Variants in LRRC4C observed in about 807,000 individuals in gnomAD.
LRRC4C encodes the protein leucine rich repeat containing 4C.
LRRC4C carries 5 observed loss-of-function variants against 33.6 expected under a neutral mutation model. The observed-to-expected ratio is 0.15, with a 90% CI of 0.08 to 0.31. The LOEUF (loss-of-function observed/expected upper bound fraction) is 0.31, where lower values mean the gene tolerates loss of function less well. LRRC4C is among the 10% of genes least tolerant of loss of function. LRRC4C has a pLI of 1.00. For synonymous variants in LRRC4C, 329 were observed against 302.0 expected (o/e 1.09, Z -0.93); for missense variants, 560 against 796.7 (o/e 0.70, Z 3.58).
chr11:41,351,666 CAA>C (rs1951988872), intron 1 of LRRC4C, among the ~76,000 whole-genome samples: 1 of 152,074 alleles, frequency 6.6e-6, no homozygotes, highest in Non-Finnish European at 1.5e-5. Flanking sequence ...CTTTAAAAGC[CAA>C]AAGAGATTGG....
intron 1 of LRRC4C, among the ~76,000 whole-genome samples, chr11:41,327,162 A>G (rs1951147795): frequency 6.6e-6 from 1 of 152,202 alleles, no homozygotes; most frequent in Non-Finnish European, 1.5e-5. Context: ...TCTAGGGAGA[A>G]GGCAGCCCAC....
chr11:40,595,084 A>G (rs1194749968), intron 3 of LRRC4C, among the ~76,000 whole-genome samples: 1 of 152,062 alleles, frequency 6.6e-6, no homozygotes, highest in South Asian at 2.1e-4. Context: ...TGAGCCTTAC[A>G]CAATTTGATT....
At chr11:40,774,933 A>T (rs1278748767) in intron 2 of LRRC4C, among the ~76,000 whole-genome samples, 1 of 152,146 alleles carries the variant, frequency 6.6e-6, no homozygotes, top group East Asian at 1.9e-4. Flanking sequence ...ATCTGCTGGC[A>T]TATTAATCTC....
chr11:40,366,364 G>A (rs1339124690), intron 3 of LRRC4C, among the ~76,000 whole-genome samples: 1 of 151,998 alleles, frequency 6.6e-6, no homozygotes, highest in African/African-American at 2.4e-5. Flanking sequence ...TTAAGTTTCT[G>A]GAGAGACATA....
At chr11:40,223,959 G>A (rs1454772991) in intron 5 of LRRC4C, among the ~76,000 whole-genome samples, 1 of 152,116 alleles carries the variant, frequency 6.6e-6, no homozygotes, top group African/African-American at 2.4e-5. Flanking sequence ...TTCATTTTAA[G>A]TGTTTTCTTT....
intron 5 of LRRC4C, among the ~76,000 whole-genome samples, chr11:40,196,691 A>G (rs966157493): frequency 6.6e-6 from 1 of 152,194 alleles, no homozygotes; most frequent in Non-Finnish European, 1.5e-5. Flanking sequence ...AAAAGTGTCT[A>G]CTCAATTAAT....
intron 1 of LRRC4C, among the ~76,000 whole-genome samples, chr11:41,191,336 T>C (rs1945936665): frequency 6.6e-6 from 1 of 152,140 alleles, no homozygotes; most frequent in African/African-American, 2.4e-5. Context: ...TGCAAAAACG[T>C]TCCTGATTTT....
intron 1 of LRRC4C, among the ~76,000 whole-genome samples, chr11:40,998,961 T>C (rs896496611): frequency 1.1e-4 from 16 of 152,052 alleles, no homozygotes; most frequent in African/African-American, 3.6e-4. Flanking sequence ...TAAATGAGAG[T>C]GCCAACATGA....
chr11:40,193,053 G>A (rs1861976834), intron 5 of LRRC4C, among the ~76,000 whole-genome samples: 1 of 152,216 alleles, frequency 6.6e-6, no homozygotes. Flanking sequence ...GTTCCCGTAT[G>A]CTGGCTCTGA....
At chr11:41,097,047 A>G (rs1440107565) in intron 1 of LRRC4C, among the ~76,000 whole-genome samples, 4 of 152,146 alleles carry the variant, frequency 2.6e-5, no homozygotes, top group African/African-American at 7.2e-5. Flanking sequence ...CCACTGAAGC[A>G]TATTGCTTCT....
chr11:41,163,826 G>A (rs886138552), intron 1 of LRRC4C, among the ~76,000 whole-genome samples: 4 of 151,936 alleles, frequency 2.6e-5, no homozygotes, highest in South Asian at 2.1e-4. Context: ...TGGCCAGGCT[G>A]GTCTCGAACT....
Position 40,314,537 on chromosome 11 carries a change from A to G in LRRC4C, c.-176+5091T>C, listed in dbSNP as rs528705161. Among the ~76,000 whole-genome samples, 257 of 152,254 alleles carry G rather than the reference A, an allele frequency of 1.7e-3. 2 individuals are homozygous for G. The highest frequency in any genetic ancestry group is 4.8e-3 in the South Asian group (23 of 4,830). Reference sequence around the variant, plus strand: ...AGAACTGCCATGTGATCCAGCAATCACATTACTGGGCATTTATCCAAAGGA... The same window carrying G: ...AGAACTGCCATGTGATCCAGCAATCGCATTACTGGGCATTTATCCAAAGGA... On this transcript the variant is annotated intron_variant, in intron 4 of 6. Coordinates refer to ENST00000528697, the MANE Select transcript of LRRC4C (RefSeq NM_001258419.2).
At chr11:40,961,003 G>A (rs1172514569) in intron 1 of LRRC4C, among the ~76,000 whole-genome samples, 6 of 151,654 alleles carry the variant, frequency 4.0e-5, no homozygotes, top group Admixed American at 2.6e-4. Context: ...TTGTGTCTTG[G>A]TCACACTATA....
At chr11:40,738,313 T>C (rs932728229) in intron 2 of LRRC4C, among the ~76,000 whole-genome samples, 1 of 152,022 alleles carries the variant, frequency 6.6e-6, no homozygotes, top group Admixed American at 6.6e-5. Context: ...CCTCCCAGGG[T>C]CTTCAGTTTG....
intron 3 of LRRC4C, among the ~76,000 whole-genome samples, chr11:40,338,500 A>G (rs1307634337): frequency 6.6e-6 from 1 of 152,210 alleles, no homozygotes; most frequent in Admixed American, 6.5e-5. Context: ...CGATTTCCAG[A>G]GGACAGAAGT....
At chr11:40,217,362 C>A (rs1168513883) in intron 5 of LRRC4C, among the ~76,000 whole-genome samples, 1 of 151,910 alleles carries the variant, frequency 6.6e-6, no homozygotes, top group Non-Finnish European at 1.5e-5. Flanking sequence ...ATAGCAAAAC[C>A]AATATGCAAC....
intron 4 of LRRC4C, among the ~76,000 whole-genome samples, chr11:40,314,005 G>A (rs775632298): frequency 2.6e-5 from 4 of 151,842 alleles, no homozygotes; most frequent in Admixed American, 6.6e-5. Flanking sequence ...CAAATAAATG[G>A]GATCACATAA....
At chr11:41,001,572 G>C (rs760812235) in intron 1 of LRRC4C, among the ~76,000 whole-genome samples, 1 of 151,354 alleles carries the variant, frequency 6.6e-6, no homozygotes, top group Non-Finnish European at 1.5e-5. Flanking sequence ...TCTTAAATCT[G>C]GTCTGTTTTG....
chr11:41,161,761 A>G (rs1307517111), intron 1 of LRRC4C, among the ~76,000 whole-genome samples: 2 of 152,134 alleles, frequency 1.3e-5, no homozygotes, highest in Non-Finnish European at 2.9e-5. Flanking sequence ...GTATCCTTTT[A>G]TTTTCATCGG....
Sources: gnomAD v4.1 joint callset for allele counts (sites outside exome capture counted in the v4.1 genomes callset) on GRCh38, gnomAD v4.1.1 for gene constraint, MANE v1.5 for transcripts, NCBI Gene and HGNC (gene_info 2026-07-23, HGNC 2026-07-21) for gene names.